The following CARMIL1 variants were observed in gnomAD, a reference collection of about 807,000 sequenced individuals.
CARMIL1 encodes the protein F-actin-uncapping protein LRRC16A.
A neutral mutation model predicts 177.1 loss-of-function variants in CARMIL1; 90 were observed. The ratio of observed to expected loss-of-function variants is 0.51; its 90% CI spans 0.43 to 0.61. The LOEUF (loss-of-function observed/expected upper bound fraction) is 0.61, where lower values mean the gene tolerates loss of function less well. Among genes scored for constraint, CARMIL1 ranks in the 20% least tolerant of loss-of-function variants. CARMIL1 has a pLI of 0.00. For missense variants in CARMIL1, 1,380 were observed against 1,667.0 expected (o/e 0.83, Z 3.00); for synonymous variants, 577 against 606.2 (o/e 0.95, Z 0.71).
At chr6:25,291,533 T>C (rs1198117236) in intron 2 of CARMIL1, among the ~76,000 whole-genome samples, 1 of 152,242 alleles carries the variant, frequency 6.6e-6, no homozygotes, top group Admixed American at 6.5e-5. Flanking sequence ...TTCAGCAGTA[T>C]GACCTGTGCC....
At chr6:25,489,403 GT>G (rs1407462591) in intron 13 of CARMIL1, among the ~76,000 whole-genome samples, 1 of 152,196 alleles carries the variant, frequency 6.6e-6, no homozygotes, top group Non-Finnish European at 1.5e-5. Flanking sequence ...TTTCTTCGGA[GT>G]TTGAATATGA....
At chr6:25,592,759 A>G (rs933674092) in intron 31 of CARMIL1, among the ~76,000 whole-genome samples, 1 of 152,198 alleles carries the variant, frequency 6.6e-6, no homozygotes, top group African/African-American at 2.4e-5. Context: ...GCAAATCAAG[A>G]TTACAGGAAA....
At chr6:25,450,042 C>T (rs761463285) in intron 6 of CARMIL1, 47 bp downstream of exon 6, 2 of 1,458,534 alleles carry the variant, frequency 1.4e-6, no homozygotes, top group South Asian at 1.2e-5. Flanking sequence ...GGATGGATAT[C>T]CCCCTGCCAG....
At position 25,482,307 on chromosome 6, in the gene CARMIL1, C is replaced by A. The variant is rs753481740; in HGVS notation, c.925C>A (p.His309Asn). 1 of 1,587,870 alleles carries A rather than the reference C, an allele frequency of 6.3e-7. No homozygotes were observed. The highest frequency in any genetic ancestry group is 8.6e-7 in the Non-Finnish European group (1 of 1,163,562). The stretch of plus-strand genomic sequence containing the variant: ...TGCCAAACTCCCAAAGGGATTAAAG[C>A]ACTTAAATTTATCTAAAACCTCATT... ...QFAKLPKGLK[H>N]LNLSKTSLSP... The change falls in exon 12 of 37, where the codon CAC becomes AAC. Residue 309 changes from histidine (H) to asparagine (N), a missense_variant. Transcript: ENST00000329474.
At chr6:25,410,892 C>T (rs1435224058) in intron 2 of CARMIL1, among the ~76,000 whole-genome samples, 2 of 152,148 alleles carry the variant, frequency 1.3e-5, no homozygotes, top group African/African-American at 4.8e-5. Flanking sequence ...TCTTCCTGAT[C>T]TGTTTCCTCA....
chr6:25,428,056 A>G (rs1796427926), intron 4 of CARMIL1, among the ~76,000 whole-genome samples: 1 of 152,068 alleles, frequency 6.6e-6, no homozygotes, highest in Non-Finnish European at 1.5e-5. Context: ...TCTTTTATGG[A>G]TTGTGCTTTT....
intron 24 of CARMIL1, among the ~76,000 whole-genome samples, chr6:25,530,213 C>T (rs1016670119): frequency 4.0e-5 from 6 of 151,776 alleles, no homozygotes. Context: ...AATCTTAAAG[C>T]GTTCCAGAAA....
At chr6:25,430,476 C>T (rs1796661081) in intron 4 of CARMIL1, among the ~76,000 whole-genome samples, 2 of 149,896 alleles carry the variant, frequency 1.3e-5, no homozygotes, top group African/African-American at 4.9e-5. Context: ...GTTGCTCAGG[C>T]AGGAGTGCAG....
chr6:25,292,068 C>T (rs961236910), intron 2 of CARMIL1, among the ~76,000 whole-genome samples: 54 of 152,138 alleles, frequency 3.5e-4, no homozygotes, highest in African/African-American at 1.3e-3. Context: ...TTAAAATAGA[C>T]ATAAGACAAA....
rs767360191 is a variant in CARMIL1 at position 25,449,941 on chromosome 6, G to A, written c.415G>A (p.Ala139Thr). 6.2e-7 allele frequency: 1 copy of A among 1,612,116 alleles called. No individual in the cohort carries two copies. The highest frequency in any genetic ancestry group is 1.7e-5 in the Admixed American group (1 of 59,832). Reference protein sequence around the residue: ...KVSMEPSERLASLQALWDSQT... With the variant: ...KVSMEPSERLTSLQALWDSQT... ...CTCCATGGAGCCATCTGAGCGCCTG[G>A]CTAGTCTCCAGGCGCTGTGGGACAG... The change falls in exon 6 of 37, where the codon GCT becomes ACT. Residue 139 changes from alanine (A) to threonine (T), a missense_variant. By Grantham distance (58) the Ala-to-Thr change is moderately conservative. Transcript: ENST00000329474.
In CARMIL1 at chr6:25,554,351, T is replaced by C. The variant is rs945592084; in HGVS notation, c.2592+255T>C. ...CAGAAATCTTATTGTTCATTTATTA[T>C]AAAGGTCAAAAGCTTGGGGAAGAAA... On this transcript the variant is annotated intron_variant, in intron 28 of 36. Coordinates refer to ENST00000329474, the MANE Select transcript of CARMIL1 (RefSeq NM_017640.6). The surrounding 1 kb of genome is among the most constrained non-coding windows in gnomAD (Gnocchi z 4.6). 5.9e-5 allele frequency among the ~76,000 whole-genome samples: 9 copies of C among 152,238 alleles called. No homozygotes were observed. The East Asian group carries it at 1.5e-3, about 26-fold the overall frequency.
chr6:25,322,495 CAT>C (rs1290183548), intron 2 of CARMIL1, among the ~76,000 whole-genome samples: 1 of 152,234 alleles, frequency 6.6e-6, no homozygotes, highest in Non-Finnish European at 1.5e-5. Flanking sequence ...TACAAACACA[CAT>C]ATGCACATAC....
At chr6:25,314,252 A>T (rs1784081916) in intron 2 of CARMIL1, among the ~76,000 whole-genome samples, 1 of 127,566 alleles carries the variant, frequency 7.8e-6, no homozygotes. Context: ...AGGCGGGTGG[A>T]TCACGAGGTC....
chr6:25,283,400 G>A lies in CARMIL1; in HGVS notation c.41-1412G>A, dbSNP rs6902150. Among the ~76,000 whole-genome samples, 773 of 152,328 alleles carry A rather than the reference G, an allele frequency of 5.1e-3. 8 individuals are homozygous for A. The highest frequency in any genetic ancestry group is 0.017 in the African/African-American group (714 of 41,566). Reference sequence around the variant, plus strand: ...CCCTTACTGCAGTCATGCCTAGGTAGTCAGGAGCCGTGGAGGAGGTAGATT... The same window carrying A: ...CCCTTACTGCAGTCATGCCTAGGTAATCAGGAGCCGTGGAGGAGGTAGATT... On this transcript the variant is annotated intron_variant, in intron 1 of 36. Transcript: ENST00000329474.
In CARMIL1 at chr6:25,492,006, G is replaced by T; in HGVS notation, c.1202G>T (p.Arg401Ile). The stretch of plus-strand genomic sequence containing the variant: ...TATTTAGCTGTGCTCAACCTCTCCA[G>T]AACTGTCTTCTCTCACCGGTATAGA... ...LQYLAVLNLS[R>I]TVFSHRKGKE... Residue 401 changes from arginine (R) to isoleucine (I), a missense_variant, in exon 15 of 37, where the codon AGA (arginine) becomes ATA (isoleucine). Coordinates refer to ENST00000329474, the MANE Select transcript of CARMIL1 (RefSeq NM_017640.6). The T allele has an allele frequency of 6.2e-7, 1 of 1,613,542 alleles. No homozygotes were observed. The highest frequency in any genetic ancestry group is 1.1e-5 in the South Asian group (1 of 91,050).
intron 17 of CARMIL1, chr6:25,507,602 AAAC>A (rs1170619140): frequency 6.6e-6 from 1 of 152,634 alleles, no homozygotes; most frequent in Admixed American, 6.5e-5. Context: ...GAGTATGTAT[AAAC>A]AAAGTTAAAC....
At chr6:25,458,638 A>C (rs140926340) in intron 8 of CARMIL1, among the ~76,000 whole-genome samples, 1 of 152,054 alleles carries the variant, frequency 6.6e-6, no homozygotes, top group African/African-American at 2.4e-5. Flanking sequence ...GAGTATGAAG[A>C]TTCTTTTGAT....
chr6:25,555,279 A>AG (rs1349194145), intron 28 of CARMIL1, among the ~76,000 whole-genome samples: 1 of 152,230 alleles, frequency 6.6e-6, no homozygotes, highest in East Asian at 1.9e-4. Context: ...ATTGAATGTA[A>AG]GAAACACTGT....
chr6:25,398,747 G>A (rs1793640537), intron 2 of CARMIL1, among the ~76,000 whole-genome samples: 1 of 152,170 alleles, frequency 6.6e-6, no homozygotes, highest in South Asian at 2.1e-4. Context: ...ACTTTTATGA[G>A]TAAATAATGT....
Sources: gnomAD v4.1 joint callset for allele counts (sites outside exome capture counted in the v4.1 genomes callset) on GRCh38, gnomAD v4.1.1 for gene constraint, Gnocchi (gnomAD v3.1) non-coding constraint, MANE v1.5 for transcripts, NCBI Gene and HGNC (gene_info 2026-07-23, HGNC 2026-07-21) for gene names.